PRKN: variants seen among roughly 807,000 people sequenced by gnomAD.
PRKN encodes parkin RBR E3 ubiquitin protein ligase.
PRKN carries 56 observed loss-of-function variants against 59.5 expected under a neutral mutation model. The ratio of observed to expected loss-of-function variants is 0.94; its 90% CI spans 0.76 to 1.18. The LOEUF (loss-of-function observed/expected upper bound fraction) is 1.18. Ranked by LOEUF, PRKN falls within the 50% of genes most tolerant of loss-of-function variation. The probability of loss-of-function intolerance (pLI) is 0.00; values close to 1 mark genes in which losing one functional copy is unlikely to be tolerated. For missense variants in PRKN, 657 were observed against 596.4 expected, an observed-to-expected ratio of 1.10 and a Z score of -1.06; for synonymous variants, 250 against 222.1, an observed-to-expected ratio of 1.13 and a Z score of -1.12.
intron 6 of PRKN, among the ~76,000 whole-genome samples, chr6:161,948,852 A>G (rs1332668014): frequency 2.0e-5 from 3 of 152,256 alleles, no homozygotes. Flanking sequence ...TCCTTCTGGC[A>G]GTCAGTGTGC....
At chr6:162,457,195 C>T (rs942454820) in intron 1 of PRKN, among the ~76,000 whole-genome samples, 11 of 151,706 alleles carry the variant, frequency 7.3e-5, no homozygotes, top group Non-Finnish European at 1.0e-4. Flanking sequence ...ATATGGAACC[C>T]GTGAAAAATG....
intron 6 of PRKN, among the ~76,000 whole-genome samples, chr6:161,833,978 A>T (rs940334413): frequency 6.6e-6 from 1 of 152,186 alleles, no homozygotes; most frequent in East Asian, 1.9e-4. Flanking sequence ...TGGGAAACCA[A>T]TTACTTAGAA....
rs573117270 is a variant in PRKN, at chr6:161,963,221, C to G, written c.734+10081G>C. 2.6e-5 allele frequency among the ~76,000 whole-genome samples: 4 copies of G among 152,214 alleles called. No individual in the cohort carries two copies. The South Asian group carries it at 8.3e-4, about 31-fold the overall frequency. On this transcript the variant is annotated intron_variant, in intron 6 of 11. Transcript: ENST00000366898. ...GAAAATGAAGTGCTTAAGATCCAGA[C>G]AGTTACAACACGCAAGGTTGACCCT...
At position 161,499,048 on chromosome 6, in the gene PRKN, C is replaced by T. The variant is rs1279375564; in HGVS notation, c.1083+49806G>A. ...TCAGGCTGAAACCCTGTGATCTAGTCCAAACCAACCTTCCCAGCTAGGGTT... is the reference window on the plus strand; with the variant it reads ...TCAGGCTGAAACCCTGTGATCTAGTTCAAACCAACCTTCCCAGCTAGGGTT... On this transcript the variant is annotated intron_variant, in intron 9 of 11. Transcript: ENST00000366898. This position sits in a 1 kb window ranked among gnomAD's most constrained non-coding sequence, Gnocchi z 4.2. Among the ~76,000 whole-genome samples, 1 of 151,834 alleles carries T rather than the reference C, an allele frequency of 6.6e-6. No homozygotes were observed. Among genetic ancestry groups the T allele is most frequent in the Non-Finnish European group, 1.5e-5 (1 of 68,008 alleles).
intron 1 of PRKN, among the ~76,000 whole-genome samples, chr6:162,676,103 T>C (rs771262662): frequency 6.6e-6 from 1 of 152,186 alleles, no homozygotes; most frequent in Non-Finnish European, 1.5e-5. Context: ...TTTTCATACT[T>C]AGAGAGGAAG....
At chr6:161,652,292 T>G (rs960154909) in intron 7 of PRKN, among the ~76,000 whole-genome samples, 16 of 152,170 alleles carry the variant, frequency 1.1e-4, no homozygotes, top group Non-Finnish European at 1.5e-5. Context: ...AATGTATCAA[T>G]GTCAGCAGAA....
Position 161,423,401 on chromosome 6 carries a change from G to A in PRKN, c.1084-36524C>T, listed in dbSNP as rs753625687. Among the ~76,000 whole-genome samples, 6 of 152,200 alleles carry A rather than the reference G, an allele frequency of 3.9e-5. No homozygotes were observed. The highest frequency in any genetic ancestry group is 8.8e-5 in the Non-Finnish European group (6 of 68,044). ...ATTCGGAGGTGAGTACTGCGATGCA[G>A]TTACACGTCGTAACCACCTGAATTT... On this transcript the variant is annotated intron_variant, in intron 9 of 11. Transcript: ENST00000366898. The surrounding 1 kb of genome is among the most constrained non-coding windows in gnomAD (Gnocchi z 5.9).
chr6:161,422,867 A>C (rs758475882), intron 9 of PRKN, among the ~76,000 whole-genome samples: 1 of 152,160 alleles, frequency 6.6e-6, no homozygotes, highest in Non-Finnish European at 1.5e-5. Flanking sequence ...GACTTCAATA[A>C]ATAAACGGGG....
intron 1 of PRKN, among the ~76,000 whole-genome samples, chr6:162,690,571 A>T (rs1450029879): frequency 1.3e-5 from 2 of 152,228 alleles, no homozygotes; most frequent in Non-Finnish European, 2.9e-5. Flanking sequence ...AAAGCAGAGG[A>T]GTTTCAGGGA....
chr6:162,054,042 T>G, intron 5 of PRKN, 49 bp downstream of exon 5: 1 of 1,152,890 alleles, frequency 8.7e-7, no homozygotes, highest in Non-Finnish European at 1.3e-6. Context: ...ACAGTGAAGA[T>G]GTCATCATTT....
chr6:161,737,338 T>C (rs1015615549), intron 7 of PRKN, among the ~76,000 whole-genome samples: 3 of 152,092 alleles, frequency 2.0e-5, no homozygotes, highest in Non-Finnish European at 2.9e-5. Flanking sequence ...GCGGGCGCCC[T>C]TGCGAAGGCT....
intron 7 of PRKN, among the ~76,000 whole-genome samples, chr6:161,628,230 T>A (rs1783165257): frequency 6.6e-6 from 1 of 152,182 alleles, no homozygotes; most frequent in South Asian, 2.1e-4. Flanking sequence ...AAGAAATGAG[T>A]GTCTTAGTCT....
chr6:161,580,359 T>C (rs994054109), intron 7 of PRKN, among the ~76,000 whole-genome samples: 3 of 152,296 alleles, frequency 2.0e-5, no homozygotes. Context: ...CCTTGAGCCT[T>C]GGTATGCGGC....
Position 161,552,800 on chromosome 6 carries a change from G to GTT in PRKN, c.934-3799_934-3798dup, listed in dbSNP as rs1270027394. Among the ~76,000 whole-genome samples the GTT allele has an allele frequency of 1.4e-5, 2 of 139,780 alleles. No homozygotes were observed. Among genetic ancestry groups the GTT allele is most frequent in the African/African-American group, 2.6e-5 (1 of 38,198 alleles). 91.7% of individuals were successfully genotyped at this position (139,780 alleles called of 152,430 possible). A position where few individuals can be genotyped will look rare whatever the true frequency, so the allele number is the denominator to read the frequency against. On this transcript the variant is annotated intron_variant, in intron 8 of 11. Transcript: ENST00000366898. This position sits in a 1 kb window ranked among gnomAD's most constrained non-coding sequence, Gnocchi z 4.9. ...GGTTTTGTTGTTGTTTTTGTTTTTTGTTTTTTTTTTTTAGACGGAGTCTCG... is the reference window on the plus strand; with the variant it reads ...GGTTTTGTTGTTGTTTTTGTTTTTTGTTTTTTTTTTTTTTAGACGGAGTCTCG...
At chr6:162,233,491 A>C (rs1249344821) in intron 3 of PRKN, among the ~76,000 whole-genome samples, 1 of 152,208 alleles carries the variant, frequency 6.6e-6, no homozygotes, top group African/African-American at 2.4e-5. Flanking sequence ...CAGTTATGTT[A>C]ATGGAAAGTG....
At chr6:162,419,775 C>G (rs1788855851) in intron 2 of PRKN, among the ~76,000 whole-genome samples, 1 of 116,532 alleles carries the variant, frequency 8.6e-6, no homozygotes, top group African/African-American at 3.5e-5. Flanking sequence ...GAGACAGAGC[C>G]AGAGACAGGG....
chr6:161,902,564 ATTT>A (rs869148690), intron 6 of PRKN, among the ~76,000 whole-genome samples: 1 of 112,044 alleles, frequency 8.9e-6, no homozygotes, highest in Non-Finnish European at 1.8e-5. Context: ...TTATTTATTT[ATTT>A]TTTTTTTTTT....
At position 161,931,443 on chromosome 6, in the gene PRKN, C is replaced by A. The variant is rs572701580; in HGVS notation, c.734+41859G>T. On this transcript the variant is annotated intron_variant, in intron 6 of 11. Coordinates refer to ENST00000366898, the MANE Select transcript of PRKN (RefSeq NM_004562.3). ...CCAGTAGACATGGCACCCAGCACCC[C>A]CAGAGGCATTGTGTGAAGTTCCAAG... Among the ~76,000 whole-genome samples, 13 of 152,192 alleles carry A rather than the reference C, an allele frequency of 8.5e-5. No homozygotes were observed. In the East Asian group the frequency reaches 2.5e-3, roughly 29 times the overall value.
chr6:162,173,301 C>G (rs558253125), intron 4 of PRKN, among the ~76,000 whole-genome samples: 79 of 152,236 alleles, frequency 5.2e-4, no homozygotes, highest in African/African-American at 1.9e-3. Context: ...GCTGTGCAGT[C>G]AGCATCTCCA....
Sources: allele counts gnomAD v4.1 joint callset (sites outside exome capture counted in the v4.1 genomes callset), GRCh38; gene constraint gnomAD v4.1.1; non-coding constraint Gnocchi (gnomAD v3.1); transcripts MANE v1.5; gene names NCBI Gene and HGNC (gene_info 2026-07-23, HGNC 2026-07-21).